DHX57: variants seen among roughly 807,000 people sequenced by gnomAD.
The protein encoded by DHX57 is putative ATP-dependent RNA helicase DHX57.
A neutral mutation model predicts 156.2 loss-of-function variants in DHX57; 105 were observed. The ratio of observed to expected loss-of-function variants is 0.67; its 90% CI spans 0.57 to 0.79. The LOEUF (loss-of-function observed/expected upper bound fraction) is 0.79. DHX57 is among the 30% of genes least tolerant of loss of function. The pLI is 0.00. For synonymous variants in DHX57, 704 were observed against 595.6 expected, an observed-to-expected ratio of 1.18 and a Z score of -2.65; for missense variants, 1,847 against 1,661.9, an observed-to-expected ratio of 1.11 and a Z score of -1.94.
intron 2 of DHX57, among the ~76,000 whole-genome samples, 193 bp downstream of exon 2, chr2:38,867,989 A>G (rs919113746): frequency 2.0e-5 from 3 of 152,198 alleles, no homozygotes; most frequent in Non-Finnish European, 4.4e-5. Flanking sequence ...ATTACACTCA[A>G]TTCACAGTGT....
chr2:38,807,024 T>C (rs17023076), intron 21 of DHX57, among the ~76,000 whole-genome samples: 8,007 of 151,914 alleles, frequency 0.053, 301 homozygotes, highest in African/African-American at 0.096. Flanking sequence ...GGACCAGAGA[T>C]CTGAGTATCC....
Position 38,855,252 on chromosome 2 carries a change from T to C in DHX57, c.1710A>G (p.Gly570=), listed in dbSNP as rs139371724. The change falls in exon 8 of 24, where the codon GGA becomes GGG. Residue 570 remains glycine, a splice_region_variant and synonymous_variant. Coordinates refer to ENST00000457308, the MANE Select transcript of DHX57 (RefSeq NM_198963.3). ...HQVVVISGMT[G]CGKTTQIPQF... ...GCGGAATTTGTGTGGTTTTCCCACATCTGTACATTAAAACAAATAAGTCCT... is the reference window on the plus strand; with the variant it reads ...GCGGAATTTGTGTGGTTTTCCCACACCTGTACATTAAAACAAATAAGTCCT... 14 of 1,614,166 alleles carry C rather than the reference T, an allele frequency of 8.7e-6. No individual in the cohort carries two copies. The African/African-American group carries it at 1.6e-4, about 18-fold the overall frequency.
Position 38,868,102 on chromosome 2 carries a change from C to T in DHX57, c.224+80G>A. 5 of 1,524,270 alleles carry T rather than the reference C, an allele frequency of 3.3e-6. 1 individual carries two copies. In the South Asian group the frequency reaches 5.0e-5, roughly 15 times the overall value. The allele number at this position is 1,524,270 out of a possible 1,614,324, so 94.4% of individuals were successfully genotyped here. On this transcript the variant is annotated intron_variant, in intron 2 of 23. Transcript: ENST00000457308. The stretch of plus-strand genomic sequence containing the variant: ...TGACCAGAATTACTCGACTTTTTTT[C>T]CATTCTCAGCCATCTGTTGTCCCAT...
chr2:38,807,174 G>A (rs750474477), intron 21 of DHX57, among the ~76,000 whole-genome samples: 1 of 151,040 alleles, frequency 6.6e-6, no homozygotes, highest in Non-Finnish European at 1.5e-5. Flanking sequence ...CCTGCATTAG[G>A]CTCCCAAGTA....
chr2:38,806,079 G>A (rs1342583246), intron 22 of DHX57, among the ~76,000 whole-genome samples: 1 of 152,204 alleles, frequency 6.6e-6, no homozygotes, highest in East Asian at 1.9e-4. Context: ...AGACAGATTA[G>A]CAATGTCAAA....
chr2:38,822,008 A>T (rs1189542961), intron 17 of DHX57, among the ~76,000 whole-genome samples: 3 of 152,128 alleles, frequency 2.0e-5, no homozygotes, highest in African/African-American at 7.2e-5. Flanking sequence ...TAATAAAACA[A>T]CTACCCACCA....
chr2:38,811,297 G>C, intron 21 of DHX57: 1 of 524,732 alleles, frequency 1.9e-6, no homozygotes, highest in South Asian at 1.6e-5. Flanking sequence ...GCTCAAACCA[G>C]ACCTGATCGT....
intron 9 of DHX57, 31 bp from the exon 10 acceptor site, chr2:38,848,433 C>A: frequency 6.5e-7 from 1 of 1,547,532 alleles, no homozygotes; most frequent in Non-Finnish European, 8.7e-7. Context: ...ACCTGAGGAT[C>A]AAACAAATTC....
intron 1 of DHX57, among the ~76,000 whole-genome samples, chr2:38,872,098 G>A (rs1329699720): frequency 1.3e-5 from 2 of 152,142 alleles, no homozygotes; most frequent in East Asian, 1.9e-4. Flanking sequence ...CGAATTACCT[G>A]TTATTAGGCC....
At chr2:38,833,243 A>G (rs1483633174) in intron 13 of DHX57, among the ~76,000 whole-genome samples, 1 of 152,012 alleles carries the variant, frequency 6.6e-6, no homozygotes, top group Non-Finnish European at 1.5e-5. Flanking sequence ...CCTGGGTTCA[A>G]GAGATTCTCC....
intron 21 of DHX57, among the ~76,000 whole-genome samples, chr2:38,813,095 C>G (rs866783551): frequency 6.6e-6 from 1 of 152,076 alleles, no homozygotes; most frequent in South Asian, 2.1e-4. Context: ...ATCTGCCCAA[C>G]TCGGCTTCCC....
At chr2:38,807,075 G>T (rs1235074768) in intron 21 of DHX57, among the ~76,000 whole-genome samples, 1 of 150,118 alleles carries the variant, frequency 6.7e-6, no homozygotes, top group Admixed American at 6.7e-5. Context: ...TTTTTTTTGA[G>T]ACCGAGTCTC....
chr2:38,872,692 A>G (rs1398320090), intron 1 of DHX57, among the ~76,000 whole-genome samples: 4 of 152,370 alleles, frequency 2.6e-5, no homozygotes, highest in African/African-American at 9.6e-5. Context: ...AATTAAAAAC[A>G]CATATGTACC....
chr2:38,874,891 A>G (rs1665535822), intron 1 of DHX57, among the ~76,000 whole-genome samples: 1 of 152,194 alleles, frequency 6.6e-6, no homozygotes, highest in South Asian at 2.1e-4. Flanking sequence ...TGCACCAATA[A>G]TTACCTATTA....
chr2:38,830,044 C>G (rs1671298627), intron 13 of DHX57, among the ~76,000 whole-genome samples: 1 of 152,156 alleles, frequency 6.6e-6, no homozygotes, highest in Non-Finnish European at 1.5e-5. Flanking sequence ...AAAAATGGTA[C>G]TGTTTTCACC....
At chr2:38,855,944 A>T (rs1176486436) in intron 7 of DHX57, among the ~76,000 whole-genome samples, 1 of 152,120 alleles carries the variant, frequency 6.6e-6, no homozygotes, top group East Asian at 1.9e-4. Context: ...CTAAAAACAC[A>T]CAAAAATTAG....
chr2:38,801,869 T>C (rs1288960209), intron 23 of DHX57, among the ~76,000 whole-genome samples: 1 of 152,194 alleles, frequency 6.6e-6, no homozygotes, highest in Non-Finnish European at 1.5e-5. Flanking sequence ...AGTGCTGGGA[T>C]TACAGGCGTA....
At chr2:38,837,409 G>A (rs1196610774) in intron 13 of DHX57, among the ~76,000 whole-genome samples, 2 of 151,688 alleles carry the variant, frequency 1.3e-5, no homozygotes, top group Non-Finnish European at 2.9e-5. Context: ...TCAGGAGTTC[G>A]AGACCAGCCT....
chr2:38,810,619 A>G (rs1670193366), intron 21 of DHX57: 1 of 637,126 alleles, frequency 1.6e-6, no homozygotes, highest in Non-Finnish European at 2.9e-6. Context: ...GCCCTTGAAG[A>G]TGGATACCTG....
Sources: gnomAD v4.1 joint callset for allele counts (sites outside exome capture counted in the v4.1 genomes callset) on GRCh38, gnomAD v4.1.1 for gene constraint, MANE v1.5 for transcripts, NCBI Gene and HGNC (gene_info 2026-07-23, HGNC 2026-07-21) for gene names.